Variants in SPTA1 observed in about 807,000 individuals in gnomAD.
The protein encoded by SPTA1 is spectrin alpha chain, erythrocytic 1.
In SPTA1, 177 loss-of-function variants were observed where a neutral mutation model predicts 324.7. That is an observed-to-expected ratio of 0.55 (90% CI 0.48 to 0.62). SPTA1 has a LOEUF of 0.62. Among genes scored for constraint, SPTA1 ranks in the 20% least tolerant of loss-of-function variants. The pLI is 0.00. For synonymous variants in SPTA1, 1,195 were observed against 1,041.3 expected (o/e 1.15, Z -2.84); for missense variants, 3,162 against 2,883.6 (o/e 1.10, Z -2.21).
At chr1:158,639,319 C>A in intron 35 of SPTA1, 1 of 493,536 alleles carries the variant, frequency 2.0e-6, no homozygotes, top group Non-Finnish European at 3.7e-6. Flanking sequence ...TATATGTATG[C>A]ATCAGTAAAA....
At chr1:158,649,709 A>G in intron 25 of SPTA1, 147 bp downstream of exon 25, 2 of 697,132 alleles carry the variant, frequency 2.9e-6, no homozygotes, top group Admixed American at 4.6e-5. Flanking sequence ...AGTGAGAATC[A>G]TACTACTAAA....
At position 158,634,621 on chromosome 1, in the gene SPTA1, C is replaced by T; in HGVS notation, c.5487G>A (p.Glu1829=). Residue 1829 remains glutamate, a synonymous_variant, in exon 39 of 52, where the codon GAG becomes GAA. Transcript: ENST00000643759. ...TTTCATTGATCCAAGCTTCCTCTTC[C>T]TCAGCATTCTGCATGAATTGCAAGT... ...LEYLQFMQNA[E]EEEAWINEKN... 6.2e-7 allele frequency: 1 copy of T among 1,614,168 alleles called. No individual in the cohort carries two copies.
chr1:158,626,120 G>A, intron 42 of SPTA1, 26 bp downstream of exon 42: 2 of 1,605,664 alleles, frequency 1.2e-6, no homozygotes, highest in Non-Finnish European at 8.5e-7. Flanking sequence ...CAGGTCTTGG[G>A]CTTACCTAAC....
chr1:158,645,629 AC>A, intron 27 of SPTA1, 35 bp from the exon 28 acceptor site: 1 of 1,609,538 alleles, frequency 6.2e-7, no homozygotes, highest in Non-Finnish European at 8.5e-7. Context: ...TGACAAGAAA[AC>A]CTTGCAACTT....
Position 158,643,383 on chromosome 1 carries a change from T to A in SPTA1, c.4381A>T (p.Ile1461Phe). 6.2e-7 allele frequency: 1 copy of A among 1,613,794 alleles called. No homozygotes were observed. The highest frequency in any genetic ancestry group is 8.5e-7 in the Non-Finnish European group (1 of 1,179,832). ...TCTTTGGCATAGTGTTCATCAGCAA[T>A]GAGGCTCTCAGCAAAATGTTCTAGG... ...TDLEHFAESL[I>F]ADEHYAKEEI... Residue 1461 changes from isoleucine (I) to phenylalanine (F), a missense_variant, in exon 31 of 52, where the codon ATT becomes TTT. Ile to Phe is a conservative substitution (Grantham distance 21). Coordinates refer to ENST00000643759, the MANE Select transcript of SPTA1 (RefSeq NM_003126.4).
In SPTA1 at chr1:158,683,420, G is replaced by GC; in HGVS notation, c.340_341insG (p.Thr114SerfsTer39). On this transcript the variant is annotated frameshift_variant, in exon 3 of 52. Coordinates refer to ENST00000643759, the MANE Select transcript of SPTA1 (RefSeq NM_003126.4). LOFTEE classifies it high-confidence loss of function. ...ACCCATGGTAAATCGTTCTTCCCTTGTTTTTTCCAGTTCAGACATGAGTCT... is the reference window on the plus strand; with the variant it reads ...ACCCATGGTAAATCGTTCTTCCCTTGCTTTTTTCCAGTTCAGACATGAGTCT... 6.2e-7 allele frequency: 1 copy of GC among 1,613,374 alleles called. No individual in the cohort carries two copies. Among genetic ancestry groups the GC allele is most frequent in the Non-Finnish European group, 8.5e-7 (1 of 1,179,522 alleles).
At chr1:158,613,095 G>T in intron 50 of SPTA1, 134 bp from the exon 51 acceptor site, 2 of 937,448 alleles carry the variant, frequency 2.1e-6, no homozygotes, top group African/African-American at 1.6e-5. Flanking sequence ...AGCTTTCTGG[G>T]ATGAGATGGG....
chr1:158,613,835 G>A lies in SPTA1; in HGVS notation c.6875C>T (p.Thr2292Ile). The A allele has an allele frequency of 6.2e-7, 1 of 1,613,816 alleles. No homozygotes were observed. Residue 2292 changes from threonine to isoleucine, a missense_variant, in exon 50 of 52, where the codon ACT becomes ATT. By Grantham distance (89) the Thr-to-Ile change is moderately conservative. Transcript: ENST00000643759. The part of the protein sequence containing the change: ...HFDENLTGRL[T>I]HKEFRSCLRG... ...CAGGCAGGACCGGAACTCTTTGTGA[G>A]TCAGGCGCCCTGTCAAATTCTCATC...
intron 29 of SPTA1, among the ~76,000 whole-genome samples, 156 bp downstream of exon 29, chr1:158,645,032 T>C (rs987370473): frequency 2.6e-4 from 39 of 152,282 alleles, no homozygotes; most frequent in African/African-American, 9.1e-4. Flanking sequence ...ATGATCGGTA[T>C]AGAAAGCATA....
rs1557917325 is a variant in SPTA1 at position 158,612,879 on chromosome 1, C to T, written c.7072G>A (p.Glu2358Lys). 1.2e-6 allele frequency: 2 copies of T among 1,613,990 alleles called. No homozygotes were observed. Residue 2358 changes from glutamate to lysine, a missense_variant, in exon 51 of 52, where the codon GAG becomes AAG. By Grantham distance (56) the Glu-to-Lys change is moderately conservative (BLOSUM62 1). Transcript: ENST00000643759. Reference protein sequence around the residue: ...SENIKSSDEIENAFQALAEGK... With the variant: ...SENIKSSDEIKNAFQALAEGK... The stretch of plus-strand genomic sequence containing the variant: ...TCTGCCAGGGCTTGGAAGGCATTCT[C>T]TATTTCATCACTGGACTTGATGTTT...
At chr1:158,656,228 AC>A (rs1430939443) in intron 20 of SPTA1, among the ~76,000 whole-genome samples, 1 of 152,202 alleles carries the variant, frequency 6.6e-6, no homozygotes, top group Non-Finnish European at 1.5e-5. Flanking sequence ...AAATTAAGAA[AC>A]AAAAGAAGGG....
chr1:158,635,556 C>A (rs746011055), intron 38 of SPTA1, among the ~76,000 whole-genome samples: 34 of 152,228 alleles, frequency 2.2e-4, no homozygotes, highest in African/African-American at 6.5e-4. Context: ...AAAAATAATT[C>A]TTCGTCCTTA....
At chr1:158,621,430 T>C (rs551851564) in intron 43 of SPTA1, among the ~76,000 whole-genome samples, 10 of 152,214 alleles carry the variant, frequency 6.6e-5, no homozygotes, top group African/African-American at 1.9e-4. Context: ...TATGCCAAAA[T>C]AGATCAATAC....
chr1:158,615,551 C>T (rs1557919854), intron 47 of SPTA1, 148 bp from the exon 48 acceptor site: 2 of 731,528 alleles, frequency 2.7e-6, no homozygotes, highest in Non-Finnish European at 4.5e-6. Flanking sequence ...AAAACCACTT[C>T]ACTTCTATAG....
intron 40 of SPTA1, 43 bp from the exon 41 acceptor site, chr1:158,627,050 C>T (rs773397629): frequency 1.2e-6 from 2 of 1,610,570 alleles, no homozygotes; most frequent in Non-Finnish European, 1.7e-6. Context: ...ATGTGCAGGG[C>T]TGGAAATGTG....
Position 158,645,427 on chromosome 1 carries a change from T to C in SPTA1, c.3997-42A>G, listed in dbSNP as rs16840429. On this transcript the variant is annotated intron_variant, in intron 28 of 51. Coordinates refer to ENST00000643759, the MANE Select transcript of SPTA1 (RefSeq NM_003126.4). ...GAAGAAATCAGTGAGGCCAACTCCATTGGAAATTTTAAAATTAGTAGAGGT... is the reference window on the plus strand; with the variant it reads ...GAAGAAATCAGTGAGGCCAACTCCACTGGAAATTTTAAAATTAGTAGAGGT... 37,957 of 1,613,792 alleles carry C rather than the reference T, an allele frequency of 0.024. 1,304 individuals are homozygous for C. Among genetic ancestry groups the C allele is most frequent in the African/African-American group, 0.15 (10,979 of 74,960 alleles).
At chr1:158,643,918 C>T (rs1022756290) in intron 30 of SPTA1, among the ~76,000 whole-genome samples, 1 of 152,010 alleles carries the variant, frequency 6.6e-6, no homozygotes, top group African/African-American at 2.4e-5. Context: ...AGGTAGATCA[C>T]TTGAGGTCAG....
intron 36 of SPTA1, among the ~76,000 whole-genome samples, chr1:158,637,687 T>C (rs908836675): frequency 6.6e-6 from 1 of 152,214 alleles, no homozygotes. Context: ...ATACTGGATA[T>C]AGAATGACAA....
intron 24 of SPTA1, 25 bp downstream of exon 24, chr1:158,651,342 G>A (rs200295233): frequency 6.6e-7 from 1 of 1,514,646 alleles, no homozygotes; most frequent in East Asian, 2.3e-5. Flanking sequence ...TGGTAGTGAG[G>A]AGGAATGGAG....
Sources: gnomAD v4.1 joint callset for allele counts (sites outside exome capture counted in the v4.1 genomes callset) on GRCh38, gnomAD v4.1.1 for gene constraint, MANE v1.5 for transcripts, NCBI Gene and HGNC (gene_info 2026-07-23, HGNC 2026-07-21) for gene names.